DNAI1: variants seen among roughly 807,000 people sequenced by gnomAD.
The protein encoded by DNAI1 is dynein axonemal intermediate chain 1.
Under a neutral mutation model 92.0 loss-of-function variants are expected in DNAI1, and 67 were observed. The observed-to-expected ratio is 0.73, with a 90% confidence interval of 0.60 to 0.89. The LOEUF (loss-of-function observed/expected upper bound fraction) is 0.89. Among genes scored for constraint, DNAI1 ranks in the 40% least tolerant of loss-of-function variants. The pLI is 0.00. For synonymous variants in DNAI1, 323 were observed against 319.6 expected, an observed-to-expected ratio of 1.01 and a Z score of -0.11; for missense variants, 839 against 866.6, an observed-to-expected ratio of 0.97 and a Z score of 0.40.
chr9:34,486,585 C>CA (rs1490786817), intron 4 of DNAI1, among the ~76,000 whole-genome samples: 1 of 152,076 alleles, frequency 6.6e-6, no homozygotes, highest in African/African-American at 2.4e-5. Flanking sequence ...TTCCTGAAGA[C>CA]AAGAAGAATT....
At chr9:34,461,845 G>A in intron 1 of DNAI1, among the ~76,000 whole-genome samples, 1 of 152,150 alleles carries the variant, frequency 6.6e-6, no homozygotes, top group East Asian at 1.9e-4. Context: ...TTGAGAAGTT[G>A]TCCCTGTCCT....
rs7875853 is a variant in DNAI1, at chr9:34,477,649, A to G, written c.49-5799A>G. Among the ~76,000 whole-genome samples, 617 of 152,290 alleles carry G rather than the reference A, an allele frequency of 4.1e-3. 4 individuals are homozygous for G. The highest frequency in any genetic ancestry group is 0.014 in the African/African-American group (589 of 41,558). On this transcript the variant is annotated intron_variant, in intron 1 of 19. Transcript: ENST00000242317. ...AGAAATAGAATTGTTAGGCTTTGAA[A>G]CATAATGCTAGTGAGAGGGTGAAGA... is the stretch of plus-strand genomic sequence containing the variant.
Position 34,512,342 on chromosome 9 carries a change from G to T in DNAI1, c.1407G>T (p.Lys469Asn), listed in dbSNP as rs189377425. The change falls in exon 15 of 20, where the codon AAG becomes AAT. Residue 469 changes from lysine to asparagine, a missense_variant. By Grantham distance (94) the Lys-to-Asn change is moderately conservative. Coordinates refer to ENST00000242317, the MANE Select transcript of DNAI1 (RefSeq NM_012144.4). ...CCCTCTGTCTGTGGCTACAGAGAAA[G>T]CTGGTTCACATAGATGTCATCAAGC... ...RIVSWTLVKR[K>N]LVHIDVIKLK... 1.1e-4 allele frequency: 170 copies of T among 1,614,004 alleles called. No homozygotes were observed. The highest frequency in any genetic ancestry group is 1.4e-4 in the Non-Finnish European group (162 of 1,180,040).
intron 4 of DNAI1, among the ~76,000 whole-genome samples, chr9:34,486,214 C>A (rs59665516): frequency 6.6e-6 from 1 of 152,232 alleles, no homozygotes; most frequent in South Asian, 2.1e-4. Context: ...ATTCTGAGAC[C>A]CATTTGTTCC....
chr9:34,515,043 C>T (rs1421914893), intron 18 of DNAI1, among the ~76,000 whole-genome samples: 4 of 152,084 alleles, frequency 2.6e-5, no homozygotes, highest in African/African-American at 9.7e-5. Context: ...GGTGGCAGGG[C>T]CCGGCTCCAT....
At position 34,463,468 on chromosome 9, in the gene DNAI1, C is replaced by T. The variant is rs187197589; in HGVS notation, c.48+4415C>T. 4.4e-3 allele frequency among the ~76,000 whole-genome samples: 668 copies of T among 152,290 alleles called. 5 individuals are homozygous for T. The highest frequency in any genetic ancestry group is 4.6e-3 in the Non-Finnish European group (311 of 68,020). ...CACTGGTAATGCCCCAATAGCAAAG[C>T]GTCCTTCCTGAAAATTGTGAGAGTG... On this transcript the variant is annotated intron_variant, in intron 1 of 19. Transcript: ENST00000242317.
chr9:34,490,590 G>A, intron 7 of DNAI1, 102 bp downstream of exon 7: 6 of 1,506,556 alleles, frequency 4.0e-6, no homozygotes, highest in Non-Finnish European at 5.5e-6. Flanking sequence ...CCTGGCAGGG[G>A]TGACAGGACA....
At chr9:34,510,934 C>G (rs889869094) in intron 13 of DNAI1, among the ~76,000 whole-genome samples, 13 of 152,236 alleles carry the variant, frequency 8.5e-5, no homozygotes, top group Admixed American at 8.5e-4. Flanking sequence ...CAAGACAGGA[C>G]TCAGCCCGCC....
intron 12 of DNAI1, among the ~76,000 whole-genome samples, chr9:34,504,705 G>C (rs1410511701): frequency 6.6e-6 from 1 of 152,232 alleles, no homozygotes; most frequent in African/African-American, 2.4e-5. Flanking sequence ...GAAAAGCCCA[G>C]CTGCTGGAGA....
At chr9:34,472,735 C>G (rs1352429500) in intron 1 of DNAI1, among the ~76,000 whole-genome samples, 1 of 152,010 alleles carries the variant, frequency 6.6e-6, no homozygotes, top group Non-Finnish European at 1.5e-5. Flanking sequence ...GACACTGCCA[C>G]TACAAAAGAT....
intron 1 of DNAI1, among the ~76,000 whole-genome samples, chr9:34,463,719 A>G (rs1321234168): frequency 6.6e-6 from 1 of 152,228 alleles, no homozygotes; most frequent in Non-Finnish European, 1.5e-5. Flanking sequence ...CTCCTGTAAA[A>G]GCCAAAGAAA....
Position 34,514,725 on chromosome 9 carries a change from A to G in DNAI1, c.1804A>G (p.Thr602Ala). The G allele has an allele frequency of 1.2e-6, 2 of 1,614,068 alleles. No homozygotes were observed. The highest frequency in any genetic ancestry group is 1.7e-6 in the Non-Finnish European group (2 of 1,180,036). Residue 602 changes from threonine to alanine, a missense_variant, in exon 18 of 20, where the codon ACC becomes GCC. Thr to Ala is a moderately conservative substitution (Grantham distance 58, BLOSUM62 0). Transcript: ENST00000242317. ...PYSSTVFAAV[T>A]TDGKAHIFDL... ...CTCTTCTACTGTGTTCGCAGCAGTC[A>G]CCACAGATGGGAAGGTGAGTGCCAG...
At chr9:34,480,104 G>T (rs1384966519) in intron 1 of DNAI1, among the ~76,000 whole-genome samples, 1 of 152,126 alleles carries the variant, frequency 6.6e-6, no homozygotes, top group Non-Finnish European at 1.5e-5. Flanking sequence ...CCACCAACGT[G>T]TGCCCTTCAG....
At chr9:34,473,244 T>C (rs946664858) in intron 1 of DNAI1, among the ~76,000 whole-genome samples, 3 of 150,686 alleles carry the variant, frequency 2.0e-5, no homozygotes, top group Admixed American at 2.0e-4. Flanking sequence ...TTTTGAAATA[T>C]GTATACATTG....
intron 1 of DNAI1, among the ~76,000 whole-genome samples, chr9:34,466,205 C>A (rs1204252134): frequency 6.6e-6 from 1 of 152,208 alleles, no homozygotes; most frequent in African/African-American, 2.4e-5. Context: ...TCTTGGCCTG[C>A]AGAAGAAGCA....
chr9:34,520,523 A>C (rs1004613199), intron 19 of DNAI1, 135 bp from the exon 20 acceptor site: 1 of 787,206 alleles, frequency 1.3e-6, no homozygotes, highest in Admixed American at 2.0e-5. Context: ...GGGAGAGGGG[A>C]GGCAGGGATC....
At chr9:34,483,708 A>C (rs1241470565) in intron 2 of DNAI1, among the ~76,000 whole-genome samples, 1 of 152,100 alleles carries the variant, frequency 6.6e-6, no homozygotes, top group African/African-American at 2.4e-5. Flanking sequence ...TTTTCTTTGG[A>C]GGAATAAGAG....
intron 4 of DNAI1, chr9:34,488,065 C>T (rs1259339750): frequency 5.1e-6 from 2 of 393,232 alleles, no homozygotes; most frequent in Non-Finnish European, 5.1e-6. Context: ...CCTTGGGAAT[C>T]TTCATCATGA....
chr9:34,520,506 C>G, intron 19 of DNAI1, 152 bp from the exon 20 acceptor site: 2 of 736,758 alleles, frequency 2.7e-6, no homozygotes, highest in South Asian at 3.1e-5. Context: ...GGGGAATGAT[C>G]GTGTCAGGGA....
Sources: gnomAD v4.1 joint callset for allele counts (sites outside exome capture counted in the v4.1 genomes callset) on GRCh38, gnomAD v4.1.1 for gene constraint, MANE v1.5 for transcripts, NCBI Gene and HGNC (gene_info 2026-07-23, HGNC 2026-07-21) for gene names.